CUX1: variants seen among roughly 807,000 people sequenced by gnomAD.
CUX1 encodes the protein cut like homeobox 1, also known as protein CASP.
In CUX1, 31 loss-of-function variants were observed where a neutral mutation model predicts 158.8. The ratio of observed to expected loss-of-function variants is 0.20; its 90% CI spans 0.15 to 0.26. CUX1 has a LOEUF of 0.26. Ranked by LOEUF, CUX1 falls within the 10% of genes least tolerant of loss-of-function variation. CUX1 has a pLI of 1.00. For missense variants in CUX1, 1,589 were observed against 2,014.6 expected (o/e 0.79, Z 4.04); for synonymous variants, 879 against 862.1 (o/e 1.02, Z -0.34).
chr7:102,205,417 AGC>A (rs1354983919), intron 20 of CUX1, among the ~76,000 whole-genome samples: 1 of 152,130 alleles, frequency 6.6e-6, no homozygotes, highest in African/African-American at 2.4e-5. Context: ...GTCGGCCCAG[AGC>A]CTTGTGTTCA....
chr7:102,230,752 G>GC (rs1282198931), intron 21 of CUX1, among the ~76,000 whole-genome samples: 3 of 152,282 alleles, frequency 2.0e-5, no homozygotes, highest in Middle Eastern at 3.4e-3. Context: ...ATTGAATCAT[G>GC]CAGGGATTCC....
intron 8 of CUX1, among the ~76,000 whole-genome samples, chr7:102,126,643 G>A (rs1832671599): frequency 6.6e-6 from 1 of 152,050 alleles, no homozygotes; most frequent in Admixed American, 6.6e-5. Context: ...GAACACCCAC[G>A]TTAATTAGTC....
intron 20 of CUX1, among the ~76,000 whole-genome samples, chr7:102,218,891 C>T (rs1173168652): frequency 6.6e-6 from 1 of 151,096 alleles, no homozygotes; most frequent in Admixed American, 6.6e-5. Context: ...CCCATCTCCA[C>T]AAAAAATTAA....
chr7:101,947,541 G>A (rs948818509), intron 2 of CUX1, among the ~76,000 whole-genome samples: 4 of 152,162 alleles, frequency 2.6e-5, no homozygotes, highest in African/African-American at 9.7e-5. Context: ...GCATGCCAAC[G>A]TATTAGACAG....
chr7:102,275,178 C>T (rs1791519917), intron 16 of CUX1: 2 of 1,178,052 alleles, frequency 1.7e-6, no homozygotes, highest in Non-Finnish European at 1.2e-6. Flanking sequence ...CTGGGGGACC[C>T]ACCCCAAAGG....
chr7:102,163,613 G>A (rs980005373), intron 9 of CUX1, among the ~76,000 whole-genome samples: 8 of 152,234 alleles, frequency 5.3e-5, no homozygotes, highest in African/African-American at 1.4e-4. Context: ...ACAGATGGGA[G>A]TGGAAAGACC....
intron 2 of CUX1, among the ~76,000 whole-genome samples, chr7:102,025,274 C>T (rs1819854780): frequency 6.6e-6 from 1 of 152,182 alleles, no homozygotes; most frequent in African/African-American, 2.4e-5. Flanking sequence ...GCTATGAGGA[C>T]GTGGTTATCT....
chr7:101,867,916 G>A (rs1367051330), intron 1 of CUX1, among the ~76,000 whole-genome samples: 1 of 151,614 alleles, frequency 6.6e-6, no homozygotes, highest in Non-Finnish European at 1.5e-5. Context: ...TCACCATGTT[G>A]GCCAGGCTGG....
intron 4 of CUX1, among the ~76,000 whole-genome samples, chr7:102,092,707 T>TCAA (rs1828701219): frequency 2.0e-5 from 3 of 151,452 alleles, no homozygotes; most frequent in Non-Finnish European, 2.9e-5. Flanking sequence ...AGGCCGGGGG[T>TCAA]TGAAGACCAG....
chr7:102,233,486 G>C (rs1421990530), intron 21 of CUX1, among the ~76,000 whole-genome samples: 2 of 152,132 alleles, frequency 1.3e-5, no homozygotes, highest in African/African-American at 2.4e-5. Context: ...CAGGCTGAAG[G>C]CTTAAGAGAA....
rs181534525 is a variant in CUX1 at position 101,914,574 on chromosome 7, C to T, written c.31-1541C>T. Among the ~76,000 whole-genome samples, 1,017 of 151,784 alleles carry T rather than the reference C, an allele frequency of 6.7e-3. 7 individuals carry two copies. Among genetic ancestry groups the T allele is most frequent in the African/African-American group, 0.023 (959 of 41,334 alleles). On this transcript the variant is annotated intron_variant, in intron 1 of 23. Coordinates refer to ENST00000292535, the MANE Select transcript of CUX1 (RefSeq NM_181552.4). ...AGTGCAGTGGCGTGATCTCGGCTCA[C>T]TGCAACCTCTGCCTCCCCGGTTCAA... is the stretch of plus-strand genomic sequence containing the variant.
At chr7:102,015,709 T>A (rs759566594) in intron 2 of CUX1, among the ~76,000 whole-genome samples, 34 of 152,240 alleles carry the variant, frequency 2.2e-4, no homozygotes, top group Non-Finnish European at 4.4e-4. Flanking sequence ...TAAAAGTTCG[T>A]GGCTCCTTTC....
chr7:102,239,648 G>A (rs1799960171), intron 23 of CUX1, 64 bp downstream of exon 23: 3 of 1,546,494 alleles, frequency 1.9e-6, no homozygotes, highest in Non-Finnish European at 2.6e-6. Context: ...CTGTCCGGAG[G>A]CCGCCATGGC....
intron 20 of CUX1, among the ~76,000 whole-genome samples, chr7:102,207,522 C>T (rs1796076286): frequency 6.6e-6 from 1 of 151,386 alleles, no homozygotes; most frequent in Non-Finnish European, 1.5e-5. Context: ...ACAATCTCAG[C>T]TCACTGTAAC....
chr7:101,851,704 G>A (rs777139334), intron 1 of CUX1, among the ~76,000 whole-genome samples: 1 of 152,102 alleles, frequency 6.6e-6, no homozygotes, highest in Non-Finnish European at 1.5e-5. Flanking sequence ...TCATGAACAC[G>A]CACCTTGGCG....
chr7:102,031,192 G>A (rs1257170769), intron 3 of CUX1, among the ~76,000 whole-genome samples: 1 of 152,110 alleles, frequency 6.6e-6, no homozygotes, highest in Admixed American at 6.6e-5. Flanking sequence ...CCAAGTAGCT[G>A]GGATTACAGG....
chr7:102,152,676 G>A (rs530580329), intron 8 of CUX1, among the ~76,000 whole-genome samples: 18 of 152,340 alleles, frequency 1.2e-4, no homozygotes, highest in Middle Eastern at 6.8e-3. Flanking sequence ...ACAGGCATGA[G>A]CCACTGCATC....
chr7:101,833,998 C>A (rs1263978784), intron 1 of CUX1, among the ~76,000 whole-genome samples: 7 of 151,954 alleles, frequency 4.6e-5, no homozygotes, highest in African/African-American at 1.7e-4. Context: ...CCTGTCCTAC[C>A]CTGTGCAGCC....
At chr7:101,847,927 G>A (rs373402792) in intron 1 of CUX1, among the ~76,000 whole-genome samples, 128 of 151,712 alleles carry the variant, frequency 8.4e-4, no homozygotes, top group Middle Eastern at 3.4e-3. Flanking sequence ...GCATGATGGC[G>A]GGTGCCTGTA....
Sources: gnomAD v4.1 joint callset for allele counts (sites outside exome capture counted in the v4.1 genomes callset) on GRCh38, gnomAD v4.1.1 for gene constraint, MANE v1.5 for transcripts, NCBI Gene and HGNC (gene_info 2026-07-23, HGNC 2026-07-21) for gene names.